Variants in IRF8 observed in about 807,000 individuals in gnomAD.
IRF8 encodes the protein interferon consensus sequence binding protein 1.
In IRF8, 14 loss-of-function variants were observed where a neutral mutation model predicts 48.7. That is an observed-to-expected ratio of 0.29 (90% CI 0.19 to 0.45). IRF8 has a LOEUF of 0.45. Ranked by LOEUF, IRF8 falls within the 20% of genes least tolerant of loss-of-function variation. The probability of loss-of-function intolerance (pLI) is 1.00; values close to 1 mark genes in which losing one functional copy is unlikely to be tolerated. For missense variants in IRF8, 493 were observed against 580.7 expected (o/e 0.85, Z 1.55); for synonymous variants, 278 against 227.3 (o/e 1.22, Z -2.01).
intron 7 of IRF8, 36 bp downstream of exon 7, chr16:85,918,839 T>TA (rs753779227): frequency 6.2e-7 from 1 of 1,601,212 alleles, no homozygotes; most frequent in Non-Finnish European, 8.5e-7. Context: ...CCCCACATCT[T>TA]AGAGATCACG....
intron 2 of IRF8, among the ~76,000 whole-genome samples, chr16:85,907,626 C>A (rs1597251318): frequency 1.3e-5 from 2 of 152,110 alleles, no homozygotes; most frequent in Non-Finnish European, 2.9e-5. Flanking sequence ...TTGCAGTGAG[C>A]CAGATTGCGC....
Position 85,914,239 on chromosome 16 carries a change from A to C in IRF8, c.554-234A>C, listed in dbSNP as rs1905228938. The C allele has an allele frequency of 5.2e-6, 3 of 572,044 alleles. No individual in the cohort carries two copies. The South Asian group carries it at 5.8e-5, about 11-fold the overall frequency. The allele number at this position is 572,044 out of a possible 1,614,324, so 35.4% of individuals were successfully genotyped here. A position where few individuals can be genotyped will look rare whatever the true frequency, so the allele number is the denominator to read the frequency against. On this transcript the variant is annotated intron_variant, in intron 5 of 8. Coordinates refer to ENST00000268638, the MANE Select transcript of IRF8 (RefSeq NM_002163.4). The stretch of plus-strand genomic sequence containing the variant: ...ACATTGACACATGGTCAGAAATCCC[A>C]CAGCATAGAGGAAGTCCCCCCGACT...
chr16:85,917,596 T>C (rs1240953807), intron 6 of IRF8, among the ~76,000 whole-genome samples: 1 of 152,244 alleles, frequency 6.6e-6, no homozygotes, highest in South Asian at 2.1e-4. Context: ...TGTATTTGTC[T>C]TTCATTGAAT....
intron 3 of IRF8, 101 bp from the exon 4 acceptor site, chr16:85,911,469 A>C: frequency 4.0e-6 from 4 of 1,001,030 alleles, no homozygotes; most frequent in Non-Finnish European, 6.3e-6. Context: ...CACTAACTTA[A>C]TGTTTCCTTA....
rs1482916591 is a variant in IRF8 at position 85,920,539 on chromosome 16, T to C, written c.1104+315T>C. ...AGGCGTGAGCCACCTCGCCCGGCAG[T>C]CTGGGCAGCTTTGAGCCCTGCATCC... On this transcript the variant is annotated intron_variant, in intron 8 of 8. Transcript: ENST00000268638. 5.9e-5 allele frequency among the ~76,000 whole-genome samples: 9 copies of C among 152,158 alleles called. No individual in the cohort carries two copies. In the South Asian group the frequency reaches 1.7e-3, roughly 28 times the overall value.
In IRF8 at chr16:85,918,526, C is replaced by T. The variant is rs200917903; in HGVS notation, c.711C>T (p.Pro237=). ...CRLSLSQPGL[P]GTKLYGPEGL... is the part of the protein sequence containing the mutation. Reference sequence around the variant, plus strand: ...TGTCCCTGAGCCAGCCTGGGCTGCCCGGCACCAAGCTGTATGGGCCCGAGG... The same window carrying T: ...TGTCCCTGAGCCAGCCTGGGCTGCCTGGCACCAAGCTGTATGGGCCCGAGG... The change falls in exon 7 of 9, where the codon CCC becomes CCT. Residue 237 remains proline (P), a synonymous_variant. Coordinates refer to ENST00000268638, the MANE Select transcript of IRF8 (RefSeq NM_002163.4). The T allele has an allele frequency of 9.6e-5, 154 of 1,599,260 alleles. No individual in the cohort carries two copies. The highest frequency in any genetic ancestry group is 1.2e-4 in the Non-Finnish European group (138 of 1,177,358).
intron 6 of IRF8, among the ~76,000 whole-genome samples, chr16:85,917,652 A>T (rs12926854): frequency 6.6e-6 from 1 of 152,148 alleles, no homozygotes; most frequent in Non-Finnish European, 1.5e-5. Flanking sequence ...CCCTAAGTTC[A>T]GTGCCATTAT....
intron 3 of IRF8, among the ~76,000 whole-genome samples, chr16:85,911,260 A>C (rs953991374): frequency 3.9e-5 from 6 of 152,222 alleles, no homozygotes; most frequent in Non-Finnish European, 5.9e-5. Flanking sequence ...GCTTGCTGTA[A>C]AGTATATCTG....
At chr16:85,900,667 G>C (rs755812788) in intron 1 of IRF8, among the ~76,000 whole-genome samples, 1 of 152,224 alleles carries the variant, frequency 6.6e-6, no homozygotes, top group Non-Finnish European at 1.5e-5. Context: ...GGTATTTGCC[G>C]TGCCTCTCTG....
At position 85,922,404 on chromosome 16, in the gene IRF8, G is replaced by T. The variant is rs1265255077; in HGVS notation, c.*1122G>T. The T allele has an allele frequency of 6.6e-6, 1 of 152,330 alleles. No individual in the cohort carries two copies. Among genetic ancestry groups the T allele is most frequent in the African/African-American group, 2.4e-5 (1 of 41,450 alleles). The allele number at this position is 152,330 out of a possible 1,614,324, so 9.4% of individuals were successfully genotyped here. A position where few individuals can be genotyped will look rare whatever the true frequency, so the allele number is the denominator to read the frequency against. ...CCAGGGGACGTGGCTTGTCCCTTTTGTCCAACAAAGCATTATATTTTTAAG... is the reference window on the plus strand; with the variant it reads ...CCAGGGGACGTGGCTTGTCCCTTTTTTCCAACAAAGCATTATATTTTTAAG... On this transcript the variant is annotated 3_prime_UTR_variant, in exon 9 of 9. Coordinates refer to ENST00000268638, the MANE Select transcript of IRF8 (RefSeq NM_002163.4).
At chr16:85,914,874 T>A (rs550963877) in intron 6 of IRF8, among the ~76,000 whole-genome samples, 6,411 of 152,086 alleles carry the variant, frequency 0.042, 446 homozygotes, top group African/African-American at 0.14. Context: ...CACCATTTGG[T>A]CAGGAGCTGG....
intron 1 of IRF8, chr16:85,901,152 G>A (rs1597248054): frequency 6.6e-6 from 1 of 152,274 alleles, no homozygotes; most frequent in Admixed American, 6.5e-5. Context: ...TCTCTTCTCA[G>A]GTACCCTCTC....
intron 3 of IRF8, among the ~76,000 whole-genome samples, chr16:85,911,016 C>T (rs923679337): frequency 6.6e-6 from 1 of 152,134 alleles, no homozygotes; most frequent in Admixed American, 6.5e-5. Context: ...CACCTTTAGG[C>T]GGTTTGTGAT....
intron 3 of IRF8, 81 bp from the exon 4 acceptor site, chr16:85,911,489 T>C (rs1470691441): frequency 1.7e-6 from 2 of 1,175,004 alleles, no homozygotes; most frequent in African/African-American, 1.5e-5. Context: ...AAACTCAGCA[T>C]TTACAGAGTA....
rs763945332 is a variant in IRF8 at position 85,918,527 on chromosome 16, G to T, written c.712G>T (p.Gly238Cys). 2 of 1,599,320 alleles carry T rather than the reference G, an allele frequency of 1.3e-6. No homozygotes were observed. The highest frequency in any genetic ancestry group is 1.7e-6 in the Non-Finnish European group (2 of 1,177,278). ...GTCCCTGAGCCAGCCTGGGCTGCCC[G>T]GCACCAAGCTGTATGGGCCCGAGGG... The part of the protein sequence containing the change: ...RLSLSQPGLP[G>C]TKLYGPEGLE... The change falls in exon 7 of 9, where the codon GGC (glycine) becomes TGC (cysteine). Residue 238 changes from glycine to cysteine, a missense_variant. Transcript: ENST00000268638.
At chr16:85,906,065 A>G (rs1269907303) in intron 2 of IRF8, among the ~76,000 whole-genome samples, 1 of 152,204 alleles carries the variant, frequency 6.6e-6, no homozygotes, top group Admixed American at 6.5e-5. Context: ...CAAGGGGGGA[A>G]AATCTAGTTA....
intron 3 of IRF8, among the ~76,000 whole-genome samples, chr16:85,911,150 T>C (rs896091054): frequency 8.5e-5 from 13 of 152,188 alleles, no homozygotes; most frequent in African/African-American, 3.1e-4. Context: ...CAACTGGCAA[T>C]ACAAAAAAGA....
rs1905194180 is a variant in IRF8, at chr16:85,913,146, T to C, written c.463T>C (p.Tyr155His). 1 of 1,614,074 alleles carries C rather than the reference T, an allele frequency of 6.2e-7. No homozygotes were observed. The highest frequency in any genetic ancestry group is 8.5e-7 in the Non-Finnish European group (1 of 1,179,918). The change falls in exon 5 of 9, where the codon TAC (tyrosine) becomes CAC (histidine). Residue 155 changes from tyrosine to histidine, a missense_variant. Coordinates refer to ENST00000268638, the MANE Select transcript of IRF8 (RefSeq NM_002163.4). ...ELIKEPSVDD[Y>H]MGMIKRSPSP... ...GACTGTGCAGCCTTCTGTGGACGAT[T>C]ACATGGGGATGATCAAAAGGAGCCC...
At chr16:85,915,886 C>G (rs888259033) in intron 6 of IRF8, among the ~76,000 whole-genome samples, 1 of 152,168 alleles carries the variant, frequency 6.6e-6, no homozygotes, top group Non-Finnish European at 1.5e-5. Context: ...ACAGAACATC[C>G]TTCTAGAAGC....
Sources: gnomAD v4.1 joint callset for allele counts (sites outside exome capture counted in the v4.1 genomes callset) on GRCh38, gnomAD v4.1.1 for gene constraint, MANE v1.5 for transcripts, NCBI Gene and HGNC (gene_info 2026-07-23, HGNC 2026-07-21) for gene names.